The following JAZF1 variants were observed in gnomAD, a reference collection of about 807,000 sequenced individuals.
JAZF1 encodes the protein JAZF zinc finger 1.
A neutral mutation model predicts 26.4 loss-of-function variants in JAZF1; 8 were observed. The ratio of observed to expected loss-of-function variants is 0.30; its 90% confidence interval spans 0.18 to 0.55. The LOEUF (loss-of-function observed/expected upper bound fraction) is 0.55. Among genes scored for constraint, JAZF1 ranks in the 20% least tolerant of loss-of-function variants. The probability of loss-of-function intolerance (pLI) is 0.94; values close to 1 mark genes in which losing one functional copy is unlikely to be tolerated. For missense variants in JAZF1, 199 were observed against 322.0 expected, an observed-to-expected ratio of 0.62 and a Z score of 2.92; for synonymous variants, 126 against 122.3, an observed-to-expected ratio of 1.03 and a Z score of -0.20.
At chr7:28,080,604 A>G (rs1050355934) in intron 1 of JAZF1, among the ~76,000 whole-genome samples, 4 of 152,190 alleles carry the variant, frequency 2.6e-5, no homozygotes, top group African/African-American at 9.7e-5. Context: ...CTTACAGGTC[A>G]TCATAAGGTT....
intron 1 of JAZF1, among the ~76,000 whole-genome samples, chr7:28,073,033 CAT>C (rs1784001007): frequency 6.6e-6 from 1 of 152,150 alleles, no homozygotes; most frequent in Non-Finnish European, 1.5e-5. Flanking sequence ...TATGAAAATA[CAT>C]GACTTTTTAA....
intron 1 of JAZF1, among the ~76,000 whole-genome samples, chr7:28,142,592 TC>T (rs1782973760): frequency 6.6e-6 from 1 of 152,102 alleles, no homozygotes; most frequent in Non-Finnish European, 1.5e-5. Flanking sequence ...CATTTTTAGC[TC>T]CCAGCACAAA....
At chr7:28,156,215 C>T (rs962078458) in intron 1 of JAZF1, among the ~76,000 whole-genome samples, 6 of 152,172 alleles carry the variant, frequency 3.9e-5, no homozygotes, top group Non-Finnish European at 8.8e-5. Flanking sequence ...AGGCATCAAG[C>T]GTCTGTTTTC....
intron 1 of JAZF1, among the ~76,000 whole-genome samples, chr7:28,100,159 G>C (rs1388547675): frequency 1.3e-5 from 2 of 152,168 alleles, no homozygotes; most frequent in African/African-American, 4.8e-5. Flanking sequence ...TGAAGAGAGG[G>C]TGGGGAGAGA....
rs537901430 is a variant in JAZF1, at chr7:27,985,975, A to T, written c.188+5934T>A. 5.2e-4 allele frequency among the ~76,000 whole-genome samples: 79 copies of T among 152,318 alleles called. 1 individual carries two copies. In the Middle Eastern group the frequency reaches 0.014, roughly 26 times the overall value. On this transcript the variant is annotated intron_variant, in intron 2 of 4. Transcript: ENST00000283928. ...ATCTGACATATCTCAAAATAATAAG[A>T]GCTATTTATGACAAACCCACAGCCA... is the stretch of plus-strand genomic sequence containing the variant.
intron 2 of JAZF1, among the ~76,000 whole-genome samples, chr7:27,988,466 C>G (rs1785809196): frequency 1.3e-5 from 2 of 151,832 alleles, no homozygotes; most frequent in Admixed American, 6.6e-5. Flanking sequence ...CCTCAAACTC[C>G]TGGGCTCAAA....
At chr7:27,900,749 T>C (rs1322771746) in intron 2 of JAZF1, among the ~76,000 whole-genome samples, 1 of 152,216 alleles carries the variant, frequency 6.6e-6, no homozygotes, top group East Asian at 1.9e-4. Flanking sequence ...TAAAGAACAT[T>C]TACAGAACAT....
At position 27,913,422 on chromosome 7, in the gene JAZF1, G is replaced by T. The variant is rs745576949; in HGVS notation, c.189-18006C>A. On this transcript the variant is annotated intron_variant, in intron 2 of 4. Coordinates refer to ENST00000283928, the MANE Select transcript of JAZF1 (RefSeq NM_175061.4). ...GGACAAGTAGGACAGCGAGAAGGGA[G>T]GTCTTCTCTAGGTCTGTCTCATCTC... is the stretch of plus-strand genomic sequence containing the variant. 6.6e-6 allele frequency: 3 copies of T among 455,452 alleles called. No individual in the cohort carries two copies. The East Asian group carries it at 2.4e-4, about 37-fold the overall frequency. The allele number at this position is 455,452 out of a possible 1,614,324, so 28.2% of individuals were successfully genotyped here. A position where few individuals can be genotyped will look rare whatever the true frequency, so the allele number is the denominator to read the frequency against.
At chr7:27,960,443 G>C (rs976151259) in intron 2 of JAZF1, among the ~76,000 whole-genome samples, 20 of 152,334 alleles carry the variant, frequency 1.3e-4, no homozygotes, top group African/African-American at 4.8e-4. Context: ...GGCAGACTTA[G>C]AAGAGAAGGC....
At chr7:27,979,688 G>A (rs1398385717) in intron 2 of JAZF1, among the ~76,000 whole-genome samples, 3 of 151,946 alleles carry the variant, frequency 2.0e-5, no homozygotes, top group Non-Finnish European at 2.9e-5. Flanking sequence ...CCTTTTTATG[G>A]AGACTCACCT....
At chr7:28,011,559 C>T (rs768788429) in intron 1 of JAZF1, among the ~76,000 whole-genome samples, 1 of 152,172 alleles carries the variant, frequency 6.6e-6, no homozygotes, top group African/African-American at 2.4e-5. Context: ...TAAACATTTA[C>T]GTCATCTTTG....
At chr7:27,875,510 C>T (rs1272034781) in intron 3 of JAZF1, among the ~76,000 whole-genome samples, 1 of 152,132 alleles carries the variant, frequency 6.6e-6, no homozygotes, top group Non-Finnish European at 1.5e-5. Flanking sequence ...GGCATGTTTC[C>T]CCCACCCCAC....
At chr7:27,993,043 C>T (rs1262275438) in intron 1 of JAZF1, among the ~76,000 whole-genome samples, 1 of 152,192 alleles carries the variant, frequency 6.6e-6, no homozygotes, top group African/African-American at 2.4e-5. Context: ...GCAACAATGA[C>T]AGCATAAAAA....
intron 1 of JAZF1, among the ~76,000 whole-genome samples, chr7:28,163,272 A>G (rs904177811): frequency 6.6e-6 from 1 of 152,242 alleles, no homozygotes; most frequent in African/African-American, 2.4e-5. Context: ...GACAACTGAC[A>G]TCAGAGACAG....
At chr7:27,892,845 G>A (rs1366644638) in intron 3 of JAZF1, among the ~76,000 whole-genome samples, 8 of 152,178 alleles carry the variant, frequency 5.3e-5, no homozygotes, top group Admixed American at 4.6e-4. Context: ...GAAAACCCCA[G>A]ATGAAAGAAA....
intron 2 of JAZF1, among the ~76,000 whole-genome samples, chr7:27,936,820 CCT>C (rs1784769069): frequency 1.3e-5 from 2 of 152,240 alleles, no homozygotes; most frequent in East Asian, 1.9e-4. Flanking sequence ...TCAAAGATTC[CCT>C]GTTTATTATC....
chr7:28,164,759 T>A (rs1193490094), intron 1 of JAZF1, among the ~76,000 whole-genome samples: 1 of 152,190 alleles, frequency 6.6e-6, no homozygotes, highest in Non-Finnish European at 1.5e-5. Flanking sequence ...CTGCCCCCAT[T>A]TCTGGCAGTC....
intron 2 of JAZF1, among the ~76,000 whole-genome samples, chr7:27,901,061 C>T (rs929137713): frequency 2.0e-5 from 3 of 150,930 alleles, no homozygotes; most frequent in Admixed American, 6.6e-5. Context: ...TTTTTCTACA[C>T]GTAGAGAACA....
chr7:27,997,938 T>G (rs1418131725), intron 1 of JAZF1, among the ~76,000 whole-genome samples: 3 of 149,456 alleles, frequency 2.0e-5, no homozygotes, highest in Non-Finnish European at 3.0e-5. Flanking sequence ...GGAGGAAAAG[T>G]CTTAAACGTG....
Sources: gnomAD v4.1 joint callset for allele counts (sites outside exome capture counted in the v4.1 genomes callset) on GRCh38, gnomAD v4.1.1 for gene constraint, MANE v1.5 for transcripts, NCBI Gene and HGNC (gene_info 2026-07-23, HGNC 2026-07-21) for gene names.